FBXO42: variants seen among roughly 807,000 people sequenced by gnomAD.
FBXO42 encodes F-box only protein 42.
Under a neutral mutation model 71.7 loss-of-function variants are expected in FBXO42, and 12 were observed. The ratio of observed to expected loss-of-function variants is 0.17; its 90% CI spans 0.11 to 0.27. The LOEUF (loss-of-function observed/expected upper bound fraction) is 0.27. Ranked by LOEUF, FBXO42 falls within the 10% of genes least tolerant of loss-of-function variation. FBXO42 has a pLI of 1.00. For synonymous variants in FBXO42, 325 were observed against 327.5 expected, an observed-to-expected ratio of 0.99 and a Z score of 0.08; for missense variants, 707 against 911.9, an observed-to-expected ratio of 0.78 and a Z score of 2.89.
At chr1:16,345,918 T>C (rs1323263714) in intron 1 of FBXO42, among the ~76,000 whole-genome samples, 1 of 150,200 alleles carries the variant, frequency 6.7e-6, no homozygotes, top group African/African-American at 2.4e-5. Flanking sequence ...GACAGGTAGA[T>C]ACAAGGTGAA....
In FBXO42 at chr1:16,279,854, C is replaced by CTTTT. The variant is rs1553151074; in HGVS notation, c.502+14925_502+14928dup. Among the ~76,000 whole-genome samples, 65 of 138,194 alleles carry CTTTT rather than the reference C, an allele frequency of 4.7e-4. 1 individual carries two copies. Among genetic ancestry groups the CTTTT allele is most frequent in the African/African-American group, 6.3e-4 (23 of 36,556 alleles). The allele number at this position is 138,194 out of a possible 152,430, so 90.7% of individuals were successfully genotyped here. A position where few individuals can be genotyped will look rare whatever the true frequency, so the allele number is the denominator to read the frequency against. On this transcript the variant is annotated intron_variant, in intron 4 of 9. Transcript: ENST00000375592. ...TCATGTTGACAATGGTTTTTTTTTT[C>CTTTT]TTTTTTTTTTGAGACAGAGTCTTGC...
At chr1:16,343,134 T>C (rs1351176225) in intron 1 of FBXO42, among the ~76,000 whole-genome samples, 1 of 152,224 alleles carries the variant, frequency 6.6e-6, no homozygotes, top group East Asian at 1.9e-4. Context: ...CTTTTGCCCT[T>C]CTGGTGTTAT....
intron 4 of FBXO42, among the ~76,000 whole-genome samples, chr1:16,274,240 A>G (rs538644303): frequency 1.3e-5 from 2 of 151,988 alleles, no homozygotes; most frequent in South Asian, 4.2e-4. Context: ...CAAGAGCTGG[A>G]GCTGCGGTGA....
intron 1 of FBXO42, among the ~76,000 whole-genome samples, chr1:16,336,488 G>A (rs1460781089): frequency 6.6e-5 from 10 of 151,802 alleles, no homozygotes; most frequent in African/African-American, 2.2e-4. Context: ...CTCCTGAGTA[G>A]CTGGGATTAC....
At chr1:16,284,385 T>C (rs2081999517) in intron 4 of FBXO42, among the ~76,000 whole-genome samples, 1 of 152,182 alleles carries the variant, frequency 6.6e-6, no homozygotes, top group African/African-American at 2.4e-5. Flanking sequence ...AGATACACAA[T>C]GTTCTTATCT....
chr1:16,339,189 AGAG>A (rs959321190), intron 1 of FBXO42, among the ~76,000 whole-genome samples: 5 of 152,176 alleles, frequency 3.3e-5, no homozygotes, highest in Admixed American at 6.6e-5. Flanking sequence ...TCTCTAGAGC[AGAG>A]GAGAGGACCT....
intron 2 of FBXO42, among the ~76,000 whole-genome samples, chr1:16,309,918 G>A (rs975606697): frequency 4.0e-5 from 6 of 151,068 alleles, no homozygotes; most frequent in South Asian, 2.1e-4. Flanking sequence ...AAAATTGGCC[G>A]AGCGCAGTGG....
Position 16,248,536 on chromosome 1 carries a change from C to A in FBXO42, c.*2134G>T, listed in dbSNP as rs1279251032. 6.6e-6 allele frequency: 1 copy of A among 152,178 alleles called. No homozygotes were observed. Among genetic ancestry groups the A allele is most frequent in the African/African-American group, 2.4e-5 (1 of 41,434 alleles). 9.4% of individuals were successfully genotyped at this position (152,178 alleles called of 1,614,324 possible). On this transcript the variant is annotated 3_prime_UTR_variant, in exon 10 of 10. Coordinates refer to ENST00000375592, the MANE Select transcript of FBXO42 (RefSeq NM_018994.3). ...CTGTAAGGTTGAGATTCTGTACTTT[C>A]AGGTTTCTAATATACTTTATATTTA...
In FBXO42 at chr1:16,256,845, G is replaced by T. The variant is rs542271934; in HGVS notation, c.503-86C>A. On this transcript the variant is annotated intron_variant, in intron 4 of 9. Coordinates refer to ENST00000375592, the MANE Select transcript of FBXO42 (RefSeq NM_018994.3). ...GCTATCCATAGATCACCTTTCCCTG[G>T]AAGAGCAACAAAAGGGGAACTAATA... 3 of 1,433,050 alleles carry T rather than the reference G, an allele frequency of 2.1e-6. No homozygotes were observed. In the African/African-American group the frequency reaches 4.2e-5, roughly 20 times the overall value. The allele number at this position is 1,433,050 out of a possible 1,614,324, so 88.8% of individuals were successfully genotyped here. A position where few individuals can be genotyped will look rare whatever the true frequency, so the allele number is the denominator to read the frequency against.
At chr1:16,266,077 T>A (rs1422893442) in intron 4 of FBXO42, among the ~76,000 whole-genome samples, 2 of 152,106 alleles carry the variant, frequency 1.3e-5, no homozygotes, top group Admixed American at 6.6e-5. Context: ...TTAAAACACT[T>A]TCAAATAAAA....
At chr1:16,299,011 C>CT (rs1347738031) in intron 3 of FBXO42, among the ~76,000 whole-genome samples, 2 of 151,642 alleles carry the variant, frequency 1.3e-5, no homozygotes, top group Non-Finnish European at 2.9e-5. Context: ...AACATTTTTC[C>CT]TTTTTAATTT....
intron 1 of FBXO42, among the ~76,000 whole-genome samples, chr1:16,329,926 G>A (rs1420155684): frequency 6.6e-6 from 1 of 151,740 alleles, no homozygotes; most frequent in African/African-American, 2.4e-5. Flanking sequence ...TCCAGCCTGG[G>A]AAACAGAGCA....
intron 3 of FBXO42, among the ~76,000 whole-genome samples, chr1:16,298,056 C>G (rs1312350244): frequency 1.3e-5 from 2 of 151,826 alleles, no homozygotes; most frequent in Non-Finnish European, 2.9e-5. Context: ...TGAAACCCCT[C>G]TCTACTAAAA....
chr1:16,251,679 A>G lies in FBXO42; in HGVS notation c.1145T>C (p.Leu382Pro), dbSNP rs112842189. 1.5e-5 allele frequency: 24 copies of G among 1,614,194 alleles called. No individual in the cohort carries two copies. Among genetic ancestry groups the G allele is most frequent in the Non-Finnish European group, 2.0e-5 (24 of 1,180,040 alleles). Residue 382 changes from leucine (L) to proline (P), a missense_variant, in exon 10 of 10, where the codon CTC becomes CCC. Physicochemically the swap from Leu to Pro is moderately conservative, Grantham distance 98. Coordinates refer to ENST00000375592, the MANE Select transcript of FBXO42 (RefSeq NM_018994.3). This position sits in a 1 kb window ranked among gnomAD's most constrained non-coding sequence, Gnocchi z 4.5. ...GCGGTACTCTCGGGTTTCAGGAACG[A>G]GAGCTGGAGGAGTGGCACTGATAGG... ...PSPISATPPA[L>P]VPETREYRSQ...
At chr1:16,309,688 G>C (rs1273081378) in intron 2 of FBXO42, among the ~76,000 whole-genome samples, 1 of 151,902 alleles carries the variant, frequency 6.6e-6, no homozygotes, top group Non-Finnish European at 1.5e-5. Context: ...TTGAGCCCAG[G>C]AGTTCAAGAC....
Position 16,317,159 on chromosome 1 carries a change from C to T in FBXO42, c.-17-1724G>A, listed in dbSNP as rs920790095. Among the ~76,000 whole-genome samples the T allele has an allele frequency of 5.3e-5, 8 of 151,726 alleles. No homozygotes were observed. In the East Asian group the frequency reaches 1.6e-3, roughly 29 times the overall value. ...TAGGCCGGGCGCAGTGGCTCACACCCGTAATCCCAGCACTTTGGGAGGCTA... is the reference window on the plus strand; with the variant it reads ...TAGGCCGGGCGCAGTGGCTCACACCTGTAATCCCAGCACTTTGGGAGGCTA... On this transcript the variant is annotated intron_variant, in intron 1 of 9. Coordinates refer to ENST00000375592, the MANE Select transcript of FBXO42 (RefSeq NM_018994.3).
At chr1:16,295,252 T>C (rs1439283265) in intron 3 of FBXO42, among the ~76,000 whole-genome samples, 1 of 152,242 alleles carries the variant, frequency 6.6e-6, no homozygotes, top group Non-Finnish European at 1.5e-5. Context: ...GATCTAAATC[T>C]GCATCATTAT....
At chr1:16,289,043 C>T (rs534388789) in intron 4 of FBXO42, among the ~76,000 whole-genome samples, 1 of 151,516 alleles carries the variant, frequency 6.6e-6, no homozygotes, top group Admixed American at 6.6e-5. Flanking sequence ...TCTGTCTAGT[C>T]TGGTTTACTT....
intron 2 of FBXO42, among the ~76,000 whole-genome samples, chr1:16,309,600 A>G (rs1351422518): frequency 1.3e-5 from 2 of 152,138 alleles, no homozygotes; most frequent in Non-Finnish European, 2.9e-5. Flanking sequence ...GGCATGATCC[A>G]TGAAAGAAAG....
Sources: allele counts gnomAD v4.1 joint callset (sites outside exome capture counted in the v4.1 genomes callset), GRCh38; gene constraint gnomAD v4.1.1; non-coding constraint Gnocchi (gnomAD v3.1); transcripts MANE v1.5; gene names NCBI Gene and HGNC (gene_info 2026-07-23, HGNC 2026-07-21).